Variants in TRAM1 observed in about 807,000 individuals in gnomAD.
The protein encoded by TRAM1 is translocating chain-associated membrane protein 1.
A neutral mutation model predicts 48.7 loss-of-function variants in TRAM1; 17 were observed. The ratio of observed to expected loss-of-function variants is 0.35; its 90% CI spans 0.24 to 0.52. The LOEUF (loss-of-function observed/expected upper bound fraction) is 0.52. Ranked by LOEUF, TRAM1 falls within the 20% of genes least tolerant of loss-of-function variation. The probability of loss-of-function intolerance (pLI) is 0.94; values close to 1 mark genes in which losing one functional copy is unlikely to be tolerated. For missense variants in TRAM1, 351 were observed against 441.5 expected, an observed-to-expected ratio of 0.79 and a Z score of 1.84; for synonymous variants, 182 against 154.0, an observed-to-expected ratio of 1.18 and a Z score of -1.34.
chr8:70,583,258 C>G lies in TRAM1; in HGVS notation c.957G>C (p.Gln319His). ...CAGAATGTTCCCTCCACCTTCGAAG[C>G]TGAAAATTAATGAACTTCCACATCA... ...AFMMWKFINF[Q>H]LRRWREHSAF... is the part of the protein sequence containing the mutation. Residue 319 changes from glutamine to histidine, a missense_variant, in exon 10 of 11, where the codon CAG becomes CAC. Transcript: ENST00000262213. 1 of 1,613,978 alleles carries G rather than the reference C, an allele frequency of 6.2e-7. No individual in the cohort carries two copies. The highest frequency in any genetic ancestry group is 8.5e-7 in the Non-Finnish European group (1 of 1,180,006).
At chr8:70,591,292 T>G (rs1035792266) in intron 6 of TRAM1, among the ~76,000 whole-genome samples, 1 of 152,164 alleles carries the variant, frequency 6.6e-6, no homozygotes, top group African/African-American at 2.4e-5. Flanking sequence ...TTTAAAATGA[T>G]AAATTTTATC....
intron 1 of TRAM1, among the ~76,000 whole-genome samples, chr8:70,601,784 A>G (rs934630899): frequency 1.3e-5 from 2 of 152,232 alleles, no homozygotes; most frequent in African/African-American, 4.8e-5. Flanking sequence ...GCTAGAAGAA[A>G]GAGTACAAGG....
Position 70,583,152 on chromosome 8 carries a change from C to G in TRAM1, c.1051+12G>C. On this transcript the variant is annotated intron_variant, in intron 10 of 10. Coordinates refer to ENST00000262213, the MANE Select transcript of TRAM1 (RefSeq NM_014294.6). ...ACTTCCATGAGTTTTTCATTGCTTA[C>G]TGAATACAAACCTGTTCCTTTTTTA... 1 of 1,601,886 alleles carries G rather than the reference C, an allele frequency of 6.2e-7. No individual in the cohort carries two copies. The highest frequency in any genetic ancestry group is 2.2e-5 in the East Asian group (1 of 44,694).
At chr8:70,606,371 T>G (rs536780367) in intron 1 of TRAM1, among the ~76,000 whole-genome samples, 1 of 152,226 alleles carries the variant, frequency 6.6e-6, no homozygotes, top group East Asian at 1.9e-4. Flanking sequence ...TTTTAAAAAA[T>G]CATTTGTAGA....
chr8:70,603,060 G>C (rs1054468678), intron 1 of TRAM1, among the ~76,000 whole-genome samples: 2 of 151,954 alleles, frequency 1.3e-5, no homozygotes, highest in African/African-American at 4.8e-5. Context: ...TAGATATGAA[G>C]GTCTCTTGAG....
intron 10 of TRAM1, among the ~76,000 whole-genome samples, chr8:70,576,075 AAAAAG>A (rs1406313633): frequency 5.7e-5 from 4 of 70,096 alleles, no homozygotes; most frequent in Non-Finnish European, 1.9e-4. Flanking sequence ...CATCTAAAAA[AAAAAG>A]AAAAAAAAAA....
intron 1 of TRAM1, among the ~76,000 whole-genome samples, chr8:70,605,225 GAAGTC>G (rs780475641): frequency 5.9e-5 from 9 of 152,174 alleles, no homozygotes; most frequent in East Asian, 5.8e-4. Flanking sequence ...ACACCTTTTG[GAAGTC>G]AAGTATTGAA....
chr8:70,593,503 G>A (rs1263962164), intron 6 of TRAM1, among the ~76,000 whole-genome samples: 1 of 149,986 alleles, frequency 6.7e-6, no homozygotes, highest in African/African-American at 2.5e-5. Flanking sequence ...ATTAATAAAC[G>A]ATCAAACTTG....
chr8:70,587,127 A>C lies in TRAM1; in HGVS notation c.620T>G (p.Ile207Ser). 6.2e-7 allele frequency: 1 copy of C among 1,614,036 alleles called. No individual in the cohort carries two copies. Among genetic ancestry groups the C allele is most frequent in the Non-Finnish European group, 8.5e-7 (1 of 1,179,930 alleles). The stretch of plus-strand genomic sequence containing the variant: ...TCACTTCAAAAGGTAAGCTCCAGCA[A>C]TGTGGAAGAGGTAAAGACCAATGTA... Reference protein sequence around the residue: ...LVYIGLYLFHIAGAYLLNLNH... With the variant: ...LVYIGLYLFHSAGAYLLNLNH... Residue 207 changes from isoleucine (I) to serine (S), a missense_variant, in exon 7 of 11, where the codon ATT becomes AGT. By Grantham distance (142) the Ile-to-Ser change is moderately radical. Coordinates refer to ENST00000262213, the MANE Select transcript of TRAM1 (RefSeq NM_014294.6).
intron 1 of TRAM1, among the ~76,000 whole-genome samples, chr8:70,603,716 C>CA (rs1345962978): frequency 6.6e-6 from 1 of 152,094 alleles, no homozygotes; most frequent in Non-Finnish European, 1.5e-5. Context: ...GGCTCCATCT[C>CA]AAAAAGAGTC....
In TRAM1 at chr8:70,586,903, A is replaced by G. The variant is rs1563383631; in HGVS notation, c.738T>C (p.Tyr246=). 1 of 1,613,406 alleles carries G rather than the reference A, an allele frequency of 6.2e-7. No homozygotes were observed. Among genetic ancestry groups the G allele is most frequent in the East Asian group, 2.2e-5 (1 of 44,844 alleles). Reference sequence around the variant, plus strand: ...ATGGCTAAACAACTTACCCTTTCTGATACTTTTCATTGCTAAAATAAAACA... The same window carrying G: ...ATGGCTAAACAACTTACCCTTTCTGGTACTTTTCATTGCTAAAATAAAACA... ...SRLFYFSNEK[Y]QKGFSLWAVL... The change falls in exon 8 of 11, where the codon TAT becomes TAC. Residue 246 remains tyrosine (Y), a synonymous_variant. Coordinates refer to ENST00000262213, the MANE Select transcript of TRAM1 (RefSeq NM_014294.6).
chr8:70,607,949 T>G (rs1817786926), intron 1 of TRAM1, 128 bp downstream of exon 1: 1 of 1,194,348 alleles, frequency 8.4e-7, no homozygotes, highest in Non-Finnish European at 1.1e-6. Context: ...CCTCAGGGAC[T>G]GGGGGTCTGC....
Position 70,608,304 on chromosome 8 carries a change from G to C in TRAM1, c.-105C>G. On this transcript the variant is annotated 5_prime_UTR_variant, in exon 1 of 11. Transcript: ENST00000262213. ...CCCGCTGGCTGCTCCTCACGGCCCCGCTGCAGCCGCTCGCTGGGGCTTCAC... is the reference window on the plus strand; with the variant it reads ...CCCGCTGGCTGCTCCTCACGGCCCCCCTGCAGCCGCTCGCTGGGGCTTCAC... The C allele has an allele frequency of 7.1e-7, 1 of 1,405,140 alleles. No individual in the cohort carries two copies. Among genetic ancestry groups the C allele is most frequent in the Non-Finnish European group, 9.3e-7 (1 of 1,071,478 alleles). 87.0% of individuals were successfully genotyped at this position (1,405,140 alleles called of 1,614,324 possible). A position where few individuals can be genotyped will look rare whatever the true frequency, so the allele number is the denominator to read the frequency against.
At chr8:70,603,300 T>TTA (rs201098583) in intron 1 of TRAM1, among the ~76,000 whole-genome samples, 6,759 of 60,710 alleles carry the variant, frequency 0.11, 181 homozygotes, top group Middle Eastern at 0.2. Context: ...TATATATGTT[T>TTA]TATACACACA....
intron 1 of TRAM1, among the ~76,000 whole-genome samples, chr8:70,604,398 C>T (rs1382361248): frequency 6.6e-6 from 1 of 152,194 alleles, no homozygotes; most frequent in Non-Finnish European, 1.5e-5. Context: ...TCAAATTCCA[C>T]TTCCAGTGGG....
chr8:70,602,332 C>T (rs268597), intron 1 of TRAM1, among the ~76,000 whole-genome samples: 136,174 of 152,130 alleles, frequency 0.9, 61,439 homozygotes, highest in Middle Eastern at 0.96. Context: ...ATGTTGTTTT[C>T]AGGATAGGAG....
chr8:70,584,471 T>C (rs1195725269), intron 8 of TRAM1, among the ~76,000 whole-genome samples: 1 of 152,142 alleles, frequency 6.6e-6, no homozygotes, highest in African/African-American at 2.4e-5. Flanking sequence ...GGTATTCAAT[T>C]AGGAAAAGTG....
At chr8:70,601,457 C>T (rs1194354670) in intron 1 of TRAM1, among the ~76,000 whole-genome samples, 2 of 152,172 alleles carry the variant, frequency 1.3e-5, no homozygotes, top group African/African-American at 4.8e-5. Context: ...AACTGTGTTC[C>T]TTTCCTTCAA....
intron 5 of TRAM1, among the ~76,000 whole-genome samples, chr8:70,595,076 C>T (rs1373894311): frequency 1.4e-5 from 2 of 148,068 alleles, no homozygotes; most frequent in African/African-American, 5.0e-5. Flanking sequence ...GGTAACTGTA[C>T]CTGGTTGGAA....
Sources: gnomAD v4.1 joint callset for allele counts (sites outside exome capture counted in the v4.1 genomes callset) on GRCh38, gnomAD v4.1.1 for gene constraint, MANE v1.5 for transcripts, NCBI Gene and HGNC (gene_info 2026-07-23, HGNC 2026-07-21) for gene names.